Variants in RPS6KC1 observed in about 807,000 individuals in gnomAD.
RPS6KC1 encodes the protein ribosomal protein S6 kinase C1.
In RPS6KC1, 54 loss-of-function variants were observed where a neutral mutation model predicts 103.8. That is an observed-to-expected ratio of 0.52 (90% CI 0.42 to 0.65). The LOEUF (loss-of-function observed/expected upper bound fraction) is 0.65. Among genes scored for constraint, RPS6KC1 ranks in the 30% least tolerant of loss-of-function variants. The pLI is 0.00. For synonymous variants in RPS6KC1, 439 were observed against 438.7 expected (o/e 1.00, Z -0.01); for missense variants, 1,151 against 1,253.8 (o/e 0.92, Z 1.24).
chr1:213,233,395 A>G (rs1274170518), intron 10 of RPS6KC1, among the ~76,000 whole-genome samples: 1 of 152,220 alleles, frequency 6.6e-6, no homozygotes, highest in East Asian at 1.9e-4. Context: ...AGGTCATGTC[A>G]TCTGATAGCG....
At chr1:213,723,319 C>G in the RPS6KC1 span, among the ~76,000 whole-genome samples, 1 of 152,224 alleles carries the variant, frequency 6.6e-6, no homozygotes, top group Admixed American at 6.5e-5. Context: ...GCTGCCATAA[C>G]AAAGCATCAC....
the RPS6KC1 span, among the ~76,000 whole-genome samples, chr1:213,344,427 G>A: frequency 6.6e-6 from 1 of 152,268 alleles, no homozygotes; most frequent in East Asian, 1.9e-4. Flanking sequence ...AAATCATGGT[G>A]CAAATATGAA....
chr1:213,387,974 C>T, the RPS6KC1 span, among the ~76,000 whole-genome samples: 1 of 152,234 alleles, frequency 6.6e-6, no homozygotes, highest in Admixed American at 6.5e-5. Flanking sequence ...GGGTTCCTAA[C>T]CTCAGTGTGA....
At chr1:213,233,373 T>C (rs1015888883) in intron 10 of RPS6KC1, among the ~76,000 whole-genome samples, 6 of 152,170 alleles carry the variant, frequency 3.9e-5, no homozygotes, top group Non-Finnish European at 8.8e-5. Context: ...ATTACAGACA[T>C]TATTGAATTA....
At chr1:213,331,893 T>G in the RPS6KC1 span, among the ~76,000 whole-genome samples, 1 of 152,050 alleles carries the variant, frequency 6.6e-6, no homozygotes, top group Non-Finnish European at 1.5e-5. Context: ...TGTTTTGACA[T>G]CTTTTTACTC....
chr1:213,431,034 G>T, the RPS6KC1 span, among the ~76,000 whole-genome samples: 1 of 152,180 alleles, frequency 6.6e-6, no homozygotes, highest in Non-Finnish European at 1.5e-5. Context: ...GTGTGGGAAG[G>T]GGGAGGAGAA....
At chr1:213,759,383 TG>T in the RPS6KC1 span, among the ~76,000 whole-genome samples, 1 of 152,258 alleles carries the variant, frequency 6.6e-6, no homozygotes, top group African/African-American at 2.4e-5. Context: ...TTGTGATACT[TG>T]CTTCATTGCA....
chr1:213,785,412 C>T, the RPS6KC1 span, among the ~76,000 whole-genome samples: 63 of 149,398 alleles, frequency 4.2e-4, 1 homozygote, highest in East Asian at 0.011. Context: ...GACAGCTGCT[C>T]TAAAAAATAA....
chr1:213,360,053 A>C, the RPS6KC1 span, among the ~76,000 whole-genome samples: 1 of 152,090 alleles, frequency 6.6e-6, no homozygotes, highest in Admixed American at 6.5e-5. Flanking sequence ...GCTGTTCTCG[A>C]GGAGTATCTT....
chr1:213,384,156 G>C, the RPS6KC1 span, among the ~76,000 whole-genome samples: 1 of 151,860 alleles, frequency 6.6e-6, no homozygotes, highest in Non-Finnish European at 1.5e-5. Context: ...GGTGCCTGTA[G>C]TCCCAGCTAC....
At chr1:213,220,044 A>G (rs578181684) in intron 8 of RPS6KC1, among the ~76,000 whole-genome samples, 1 of 152,304 alleles carries the variant, frequency 6.6e-6, no homozygotes, top group African/African-American at 2.4e-5. Flanking sequence ...CCAAAGTACT[A>G]AATATTTATA....
intron 8 of RPS6KC1, among the ~76,000 whole-genome samples, chr1:213,220,167 AG>A (rs11337664): frequency 0.45 from 68,453 of 152,046 alleles, 19,157 homozygotes; most frequent in Non-Finnish European, 0.62. Flanking sequence ...GTTTAAATGT[AG>A]GGTAAGATAA....
the RPS6KC1 span, among the ~76,000 whole-genome samples, chr1:213,461,762 T>C: frequency 2.8e-4 from 42 of 152,218 alleles, no homozygotes; most frequent in African/African-American, 9.6e-4. Context: ...TTATATCTTA[T>C]ACAAAAATTA....
chr1:213,169,227 G>C lies in RPS6KC1; in HGVS notation c.951+1254G>C, dbSNP rs539966744. 2.0e-5 allele frequency among the ~76,000 whole-genome samples: 3 copies of C among 152,160 alleles called. No individual in the cohort carries two copies. In the South Asian group the frequency reaches 6.2e-4, roughly 32 times the overall value. ...TCCTACACATTTTTATGCTTTGTAT[G>C]CTTTTTGAAAATGATAAGATAGCAG... On this transcript the variant is annotated intron_variant, in intron 7 of 14. Transcript: ENST00000366960.
chr1:213,198,242 GATA>G (rs1319377796), intron 8 of RPS6KC1, among the ~76,000 whole-genome samples: 1 of 152,150 alleles, frequency 6.6e-6, no homozygotes, highest in Non-Finnish European at 1.5e-5. Context: ...ATTCTTGGCT[GATA>G]ATTATTTTGT....
the RPS6KC1 span, among the ~76,000 whole-genome samples, chr1:213,326,471 T>C: frequency 6.6e-6 from 1 of 152,218 alleles, no homozygotes; most frequent in East Asian, 1.9e-4. Flanking sequence ...TACCTCTTTT[T>C]TGCTTGATTC....
At chr1:213,613,089 C>T in the RPS6KC1 span, among the ~76,000 whole-genome samples, 2 of 152,192 alleles carry the variant, frequency 1.3e-5, no homozygotes, top group Non-Finnish European at 2.9e-5. Flanking sequence ...CCCCAACCAT[C>T]CAAGAAAGCA....
the RPS6KC1 span, among the ~76,000 whole-genome samples, chr1:213,351,409 G>T: frequency 6.6e-6 from 1 of 152,146 alleles, no homozygotes; most frequent in Admixed American, 6.5e-5. Context: ...ATTCCATGAG[G>T]GTAGCTTTGG....
At chr1:213,212,848 T>C (rs977144217) in intron 8 of RPS6KC1, among the ~76,000 whole-genome samples, 1 of 152,228 alleles carries the variant, frequency 6.6e-6, no homozygotes, top group African/African-American at 2.4e-5. Flanking sequence ...AGTATCTTTT[T>C]ATATGCTTAT....
Sources: allele counts gnomAD v4.1 joint callset (sites outside exome capture counted in the v4.1 genomes callset), GRCh38; gene constraint gnomAD v4.1.1; transcripts MANE v1.5; gene names NCBI Gene and HGNC (gene_info 2026-07-23, HGNC 2026-07-21).